The following LRRTM4 variants were observed in gnomAD, a reference collection of about 807,000 sequenced individuals.
LRRTM4 encodes the protein leucine-rich repeat transmembrane neuronal protein 4.
In LRRTM4, 25 loss-of-function variants were observed where a neutral mutation model predicts 47.6. That is an observed-to-expected ratio of 0.53 (90% CI 0.38 to 0.73). The LOEUF is 0.73. Among genes scored for constraint, LRRTM4 ranks in the 30% least tolerant of loss-of-function variants. LRRTM4 has a pLI of 0.00. For missense variants in LRRTM4, 638 were observed against 713.4 expected (o/e 0.89, Z 1.20); for synonymous variants, 311 against 269.5 (o/e 1.15, Z -1.51).
chr2:76,775,538 T>C (rs1673931633), intron 3 of LRRTM4, among the ~76,000 whole-genome samples: 1 of 152,072 alleles, frequency 6.6e-6, no homozygotes, highest in Admixed American at 6.5e-5. Flanking sequence ...ATAGAATCAA[T>C]TTAAAAAAAG....
intron 3 of LRRTM4, among the ~76,000 whole-genome samples, chr2:77,445,787 G>C (rs1204497315): frequency 6.6e-6 from 1 of 151,964 alleles, no homozygotes; most frequent in Non-Finnish European, 1.5e-5. Flanking sequence ...AAGCTGTGTG[G>C]CTTGGGTGTT....
At chr2:76,863,581 G>T (rs538251535) in intron 3 of LRRTM4, among the ~76,000 whole-genome samples, 2 of 152,190 alleles carry the variant, frequency 1.3e-5, no homozygotes, top group African/African-American at 2.4e-5. Context: ...AATGTGACAT[G>T]ATTTCCACTA....
intron 3 of LRRTM4, among the ~76,000 whole-genome samples, chr2:76,771,727 A>G (rs1427163401): frequency 6.6e-6 from 1 of 152,030 alleles, no homozygotes; most frequent in East Asian, 1.9e-4. Flanking sequence ...GTGAACCTAA[A>G]CTGCAGGCAG....
At chr2:77,365,317 A>G (rs1479119161) in intron 3 of LRRTM4, among the ~76,000 whole-genome samples, 2 of 152,094 alleles carry the variant, frequency 1.3e-5, no homozygotes, top group African/African-American at 4.8e-5. Context: ...TCCAGAATAT[A>G]ATGCTTAACT....
intron 3 of LRRTM4, among the ~76,000 whole-genome samples, chr2:77,019,315 A>T (rs1014701386): frequency 6.6e-6 from 1 of 151,214 alleles, no homozygotes; most frequent in African/African-American, 2.4e-5. Flanking sequence ...CTGCTTACTG[A>T]TATCTTTGCC....
At chr2:77,439,092 T>C (rs1675728784) in intron 3 of LRRTM4, among the ~76,000 whole-genome samples, 1 of 152,170 alleles carries the variant, frequency 6.6e-6, no homozygotes, top group African/African-American at 2.4e-5. Flanking sequence ...CAGAGCAGTG[T>C]AAAGCTCAGA....
At chr2:77,073,268 ATTACT>A (rs1236647858) in intron 3 of LRRTM4, among the ~76,000 whole-genome samples, 1 of 152,028 alleles carries the variant, frequency 6.6e-6, no homozygotes, top group African/African-American at 2.4e-5. Context: ...ATTTTAAAAT[ATTACT>A]TTAGAATTCC....
At chr2:77,198,869 C>A (rs80317621) in intron 3 of LRRTM4, among the ~76,000 whole-genome samples, 1 of 152,150 alleles carries the variant, frequency 6.6e-6, no homozygotes, top group Non-Finnish European at 1.5e-5. Flanking sequence ...TAGTGCTCAT[C>A]ATGTTGCCTG....
At chr2:77,271,921 T>A (rs1676210594) in intron 3 of LRRTM4, among the ~76,000 whole-genome samples, 1 of 152,168 alleles carries the variant, frequency 6.6e-6, no homozygotes. Context: ...CATAAGACTT[T>A]ACTTAAGTGT....
intron 3 of LRRTM4, among the ~76,000 whole-genome samples, chr2:77,309,313 G>A (rs1033051188): frequency 3.3e-5 from 5 of 152,092 alleles, no homozygotes; most frequent in African/African-American, 4.8e-5. Context: ...CTCAGGAAAC[G>A]TGAAAATATG....
intron 3 of LRRTM4, among the ~76,000 whole-genome samples, chr2:77,104,754 G>A (rs1318592547): frequency 6.6e-6 from 1 of 152,166 alleles, no homozygotes; most frequent in Non-Finnish European, 1.5e-5. Context: ...GGTTTATTCA[G>A]TGCAGTCCAA....
At chr2:77,131,024 C>T (rs1421971182) in intron 3 of LRRTM4, among the ~76,000 whole-genome samples, 2 of 147,332 alleles carry the variant, frequency 1.4e-5, no homozygotes, top group South Asian at 2.2e-4. Context: ...TTAGTAGAGA[C>T]GGGGTTTCAC....
intron 3 of LRRTM4, among the ~76,000 whole-genome samples, chr2:77,016,855 A>G (rs1286500838): frequency 6.6e-6 from 1 of 151,922 alleles, no homozygotes; most frequent in Non-Finnish European, 1.5e-5. Flanking sequence ...CCAATTGGAT[A>G]TTTGAAATGA....
chr2:77,263,417 T>C (rs1018373415), intron 3 of LRRTM4, among the ~76,000 whole-genome samples: 1 of 151,800 alleles, frequency 6.6e-6, no homozygotes, highest in African/African-American at 2.4e-5. Flanking sequence ...GTTGGACAGA[T>C]GTTGTGGGGA....
At chr2:76,959,312 T>A (rs1232018793) in intron 3 of LRRTM4, among the ~76,000 whole-genome samples, 1 of 151,498 alleles carries the variant, frequency 6.6e-6, no homozygotes, top group Non-Finnish European at 1.5e-5. Context: ...TATAGGGACC[T>A]AGCATGCCCT....
At chr2:77,382,195 T>C (rs1673081176) in intron 3 of LRRTM4, among the ~76,000 whole-genome samples, 1 of 152,236 alleles carries the variant, frequency 6.6e-6, no homozygotes. Flanking sequence ...ATATGGCAGA[T>C]CTGCTAAATA....
chr2:77,109,169 G>A (rs1671181338), intron 3 of LRRTM4, among the ~76,000 whole-genome samples: 1 of 152,068 alleles, frequency 6.6e-6, no homozygotes, highest in Non-Finnish European at 1.5e-5. Flanking sequence ...TTTTGCTCTA[G>A]TCATCATGAT....
At chr2:77,426,909 T>G (rs1036820589) in intron 3 of LRRTM4, among the ~76,000 whole-genome samples, 1 of 151,500 alleles carries the variant, frequency 6.6e-6, no homozygotes, top group Non-Finnish European at 1.5e-5. Flanking sequence ...AAATGCATAT[T>G]TTCTTATAAG....
chr2:76,952,955 CCTTAT>C (rs1036345108), intron 3 of LRRTM4, among the ~76,000 whole-genome samples: 3 of 151,522 alleles, frequency 2.0e-5, no homozygotes, highest in African/African-American at 7.3e-5. Context: ...GCCTGTTCTC[CCTTAT>C]AAGTGGGAGC....
Sources: allele counts gnomAD v4.1 joint callset (sites outside exome capture counted in the v4.1 genomes callset), GRCh38; gene constraint gnomAD v4.1.1; transcripts MANE v1.5; gene names NCBI Gene and HGNC (gene_info 2026-07-23, HGNC 2026-07-21).